THBS3: variants seen among roughly 807,000 people sequenced by gnomAD.
THBS3 encodes the protein thrombospondin 3, also known as thrombospondin-3.
Under a neutral mutation model 118.3 loss-of-function variants are expected in THBS3, and 78 were observed. The observed-to-expected ratio is 0.66, with a 90% CI of 0.55 to 0.80. THBS3 has a LOEUF of 0.80. Ranked by LOEUF, THBS3 falls within the 30% of genes least tolerant of loss-of-function variation. The pLI is 0.00. For missense variants in THBS3, 1,057 were observed against 1,247.4 expected (o/e 0.85, Z 2.30); for synonymous variants, 427 against 475.3 (o/e 0.90, Z 1.32).
Position 155,206,385 on chromosome 1 carries a change from C to T in THBS3, c.101G>A (p.Gly34Asp). ...DLQVIDLLTV[G>D]ESRQMVAVAE... ...CACAGCTACCATCTGCCGAGACTCG[C>T]CCACAGTCAGCAGGTCAATTACTGG... Residue 34 changes from glycine (G) to aspartate (D), a missense_variant, in exon 2 of 23, where the codon GGC becomes GAC. By Grantham distance (94) the Gly-to-Asp change is moderately conservative. Around this residue, in one of 3 missense-constraint regions of THBS3, gnomAD observed 206 missense variants for 205.7 expected, o/e 1.00. Coordinates refer to ENST00000368378, the MANE Select transcript of THBS3 (RefSeq NM_007112.5). The surrounding 1 kb of genome is among the most constrained non-coding windows in gnomAD (Gnocchi z 4.2). 1 of 1,614,090 alleles carries T rather than the reference C, an allele frequency of 6.2e-7. No homozygotes were observed.
Position 155,202,959 on chromosome 1 carries a change from G to A in THBS3, c.810C>T (p.Gly270=). The A allele has an allele frequency of 6.2e-7, 1 of 1,613,954 alleles. No homozygotes were observed. The highest frequency in any genetic ancestry group is 8.5e-7 in the Non-Finnish European group (1 of 1,179,994). Reference sequence around the variant, plus strand: ...TGCAGTGGGAACGCTGCTCATGGAAGCCTGAGGGGTGGACACAGTCAGAGC... The same window carrying A: ...TGCAGTGGGAACGCTGCTCATGGAAACCTGAGGGGTGGACACAGTCAGAGC... ...RNTIMECQVC[G]FHEQRSHCSP... is the part of the protein sequence containing the mutation. The change falls in exon 8 of 23, where the codon GGC becomes GGT. Residue 270 remains glycine, a splice_region_variant and synonymous_variant. Transcript: ENST00000368378. This position sits in a 1 kb window ranked among gnomAD's most constrained non-coding sequence, Gnocchi z 5.5.
chr1:155,202,787 C>G lies in THBS3; in HGVS notation c.957+25G>C, dbSNP rs766005289. 1 of 1,591,356 alleles carries G rather than the reference C, an allele frequency of 6.3e-7. No homozygotes were observed. Among genetic ancestry groups the G allele is most frequent in the Non-Finnish European group, 8.6e-7 (1 of 1,167,788 alleles). On this transcript the variant is annotated intron_variant, in intron 8 of 22. Coordinates refer to ENST00000368378, the MANE Select transcript of THBS3 (RefSeq NM_007112.5). The surrounding 1 kb of genome is among the most constrained non-coding windows in gnomAD (Gnocchi z 5.5). ...ACATCCTCACCCCAGTTTTCTGTAC[C>G]CTTCTGGGCTCTGACCTCCCTCACC...
chr1:155,200,505 CCTT>C lies in THBS3; in HGVS notation c.1651_1653del (p.Lys551del), dbSNP rs757004537. 1.2e-5 allele frequency: 20 copies of C among 1,614,142 alleles called. No homozygotes were observed. The highest frequency in any genetic ancestry group is 3.3e-5 in the South Asian group (3 of 91,080). On this transcript the variant is annotated inframe_deletion, in exon 14 of 23. Coordinates refer to ENST00000368378, the MANE Select transcript of THBS3 (RefSeq NM_007112.5). ...TCTCCTTCCCCATTGCCATCTGTGT[CCTT>C]CTGGTCATTGTTGGGAACGTTGGGG...
rs762830729 is a variant in THBS3 at position 155,198,545 on chromosome 1, G to A, written c.1938C>T (p.Ser646=). 1.5e-5 allele frequency: 24 copies of A among 1,614,080 alleles called. No individual in the cohort carries two copies. Among genetic ancestry groups the A allele is most frequent in the Admixed American group, 3.3e-5 (2 of 60,000 alleles). Residue 646 remains serine, a synonymous_variant, in exon 17 of 23, where the codon TCC becomes TCT. Transcript: ENST00000368378. ...KDNCPQLPNS[S]QLDSDNDGLG... ...GTCCATCGTTATCAGAGTCCAGCTG[G>A]GAGCTATTTGGCAGCTGTGGGCAGT...
intron 1 of THBS3, among the ~76,000 whole-genome samples, 183 bp downstream of exon 1, chr1:155,207,615 C>G (rs534026572): frequency 2.6e-5 from 4 of 152,344 alleles, no homozygotes; most frequent in Admixed American, 2.6e-4. Context: ...CCCCACTACT[C>G]TCCGGTGCCC....
At chr1:155,201,595 G>A in intron 10 of THBS3, 26 bp from the exon 11 acceptor site, 1 of 1,607,514 alleles carries the variant, frequency 6.2e-7, no homozygotes, top group Non-Finnish European at 8.5e-7. Context: ...CAGCATCTTA[G>A]GAAGGAGGGT....
At position 155,204,859 on chromosome 1, in the gene THBS3, AC is replaced by A. The variant is rs770998309; in HGVS notation, c.641del (p.Ser214MetfsTer3). 6.2e-7 allele frequency: 1 copy of A among 1,613,866 alleles called. No individual in the cohort carries two copies. The highest frequency in any genetic ancestry group is 1.7e-5 in the Admixed American group (1 of 60,012). ...CPFQGDESIH[S>X]AVTNALHSIL... ...GCAAACAAGTCTCTGTGTTACCTGC[AC>A]TGTGGATGGACTCGTCCCCTTGGAA... On this transcript the variant is annotated frameshift_variant, in exon 4 of 23. Transcript: ENST00000368378. LOFTEE classifies it high-confidence loss of function.
Position 155,197,002 on chromosome 1 carries a change from G to A in THBS3, c.2672+39C>T, listed in dbSNP as rs372397212. On this transcript the variant is annotated intron_variant, in intron 21 of 22. Coordinates refer to ENST00000368378, the MANE Select transcript of THBS3 (RefSeq NM_007112.5). This position sits in a 1 kb window ranked among gnomAD's most constrained non-coding sequence, Gnocchi z 5.0. ...CCAGCTAAAGAGGAAGGACAGGCCC[G>A]GCCTGAGTCCCACAGGTGGGCTCAG... 36 of 1,595,902 alleles carry A rather than the reference G, an allele frequency of 2.3e-5. No individual in the cohort carries two copies. The highest frequency in any genetic ancestry group is 1.1e-4 in the African/African-American group (8 of 74,764).
At position 155,206,498 on chromosome 1, in the gene THBS3, C is replaced by A. The variant is rs1231964362; in HGVS notation, c.80-92G>T. The A allele has an allele frequency of 3.5e-6, 4 of 1,138,884 alleles. No homozygotes were observed. Among genetic ancestry groups the A allele is most frequent in the African/African-American group, 1.5e-5 (1 of 65,360 alleles). The allele number at this position is 1,138,884 out of a possible 1,614,324, so 70.5% of individuals were successfully genotyped here. ...CCCACATCACCCCCTACCCCCACCACCAGGCAGCGTTAGTCACCTCAAAAT... is the reference window on the plus strand; with the variant it reads ...CCCACATCACCCCCTACCCCCACCAACAGGCAGCGTTAGTCACCTCAAAAT... On this transcript the variant is annotated intron_variant, in intron 1 of 22. Transcript: ENST00000368378. This position sits in a 1 kb window ranked among gnomAD's most constrained non-coding sequence, Gnocchi z 4.2.
chr1:155,196,955 A>T, intron 21 of THBS3, 86 bp downstream of exon 21: 1 of 1,371,920 alleles, frequency 7.3e-7, no homozygotes, highest in Non-Finnish European at 1.0e-6. Flanking sequence ...GTTCCCACCC[A>T]TGGAGAGGTC....
rs748031674 is a variant in THBS3 at position 155,197,697 on chromosome 1, G to T, written c.2303-38C>A. Reference sequence around the variant, plus strand: ...TGGGATAAAGGTCAGGGGCAGCAAAGCTACTGGCGGCCCATCATGGGGTAA... The same window carrying T: ...TGGGATAAAGGTCAGGGGCAGCAAATCTACTGGCGGCCCATCATGGGGTAA... On this transcript the variant is annotated intron_variant, in intron 19 of 22. Coordinates refer to ENST00000368378, the MANE Select transcript of THBS3 (RefSeq NM_007112.5). This position sits in a 1 kb window ranked among gnomAD's most constrained non-coding sequence, Gnocchi z 5.0. The T allele has an allele frequency of 3.1e-6, 5 of 1,606,518 alleles. No individual in the cohort carries two copies. Among genetic ancestry groups the T allele is most frequent in the South Asian group, 1.1e-5 (1 of 90,866 alleles).
At chr1:155,208,906 C>T (rs1670919111), upstream of THBS3, 2 of 1,611,704 alleles carry the variant, frequency 1.2e-6, no homozygotes, top group East Asian at 2.2e-5. Flanking sequence ...GCCCCCAGAC[C>T]TGGCCCAGGC....
upstream of THBS3, chr1:155,208,719 CT>C: frequency 3.7e-6 from 5 of 1,363,534 alleles, no homozygotes; most frequent in Non-Finnish European, 4.8e-6. Context: ...CCGGCCTCCG[CT>C]CCGGCCGCCG....
chr1:155,201,637 T>A, intron 10 of THBS3, 68 bp from the exon 11 acceptor site: 2 of 1,537,300 alleles, frequency 1.3e-6, no homozygotes, highest in Non-Finnish European at 1.8e-6. Context: ...CCAGCACTGC[T>A]CCACCTGCGG....
intron 14 of THBS3, 137 bp downstream of exon 14, chr1:155,200,314 A>T: frequency 8.8e-7 from 1 of 1,134,408 alleles, no homozygotes. Flanking sequence ...TGCTGCAGGT[A>T]ATCTCTCCTC....
At chr1:155,204,762 T>C (rs1670297273) in intron 4 of THBS3, 93 bp downstream of exon 4, 1 of 1,164,626 alleles carries the variant, frequency 8.6e-7, no homozygotes, top group African/African-American at 1.5e-5. Flanking sequence ...GCCAAAGGAA[T>C]GGGTTTTAAG....
At position 155,198,566 on chromosome 1, in the gene THBS3, G is replaced by A; in HGVS notation, c.1917C>T (p.Cys639=). 5 of 1,614,212 alleles carry A rather than the reference G, an allele frequency of 3.1e-6. No homozygotes were observed. Among genetic ancestry groups the A allele is most frequent in the Non-Finnish European group, 4.2e-6 (5 of 1,180,024 alleles). Residue 639 remains cysteine (C), a synonymous_variant, in exon 17 of 23, where the codon TGC becomes TGT. Transcript: ENST00000368378. ...GDGHQDTKDN[C]PQLPNSSQLD... ...GCTGGGAGCTATTTGGCAGCTGTGG[G>A]CAGTTGTCCTTGGTGTCCTGATGCC... is the stretch of plus-strand genomic sequence containing the variant.
At position 155,197,396 on chromosome 1, in the gene THBS3, GC is replaced by G. The variant is rs981975756; in HGVS notation, c.2499+66del. On this transcript the variant is annotated intron_variant, in intron 20 of 22. Transcript: ENST00000368378. This position sits in a 1 kb window ranked among gnomAD's most constrained non-coding sequence, Gnocchi z 5.0. ...GGTTCCCAGTCAAGCAGTGGGGGAG[GC>G]CCTGGGGCTGCAGAGGAGAGCTTTG... 3 of 1,568,320 alleles carry G rather than the reference GC, an allele frequency of 1.9e-6. No homozygotes were observed. Among genetic ancestry groups the G allele is most frequent in the Admixed American group, 3.4e-5 (2 of 58,704 alleles).
rs747079848 is a variant in THBS3 at position 155,198,082 on chromosome 1, C to T, written c.2213G>A (p.Gly738Asp). The stretch of plus-strand genomic sequence containing the variant: ...CCAGTTTGGGTCAATCTGAGCATCA[C>T]CCTCAGGATCCAGGACGACGGTCTG... ...AYQTVVLDPE[G>D]DAQIDPNWVV... Residue 738 changes from glycine to aspartate, a missense_variant, in exon 18 of 23, where the codon GGT becomes GAT. Around this residue, in one of 3 missense-constraint regions of THBS3, gnomAD observed 307 missense variants for 326.1 expected, o/e 0.94. Coordinates refer to ENST00000368378, the MANE Select transcript of THBS3 (RefSeq NM_007112.5). 2.5e-6 allele frequency: 4 copies of T among 1,614,210 alleles called. No homozygotes were observed. The East Asian group carries it at 6.7e-5, about 27-fold the overall frequency.
Sources: gnomAD v4.1 joint callset for allele counts (sites outside exome capture counted in the v4.1 genomes callset) on GRCh38, gnomAD v4.1.1 for gene constraint, gnomAD v4.1.1 regional missense constraint, Gnocchi (gnomAD v3.1) non-coding constraint, MANE v1.5 for transcripts, NCBI Gene and HGNC (gene_info 2026-07-23, HGNC 2026-07-21) for gene names.